The following UBAC2 variants were observed in gnomAD, a reference collection of about 807,000 sequenced individuals.
UBAC2 encodes the protein UBA domain containing 2.
UBAC2 carries 26 observed loss-of-function variants against 44.0 expected under a neutral mutation model. The observed-to-expected ratio is 0.59, with a 90% CI of 0.43 to 0.82. The LOEUF is 0.82. Ranked by LOEUF, UBAC2 falls within the 40% of genes least tolerant of loss-of-function variation. The pLI, the probability that UBAC2 is intolerant of heterozygous loss-of-function variation, is 0.00. For synonymous variants in UBAC2, 155 were observed against 154.3 expected (o/e 1.00, Z -0.04); for missense variants, 329 against 419.4 (o/e 0.78, Z 1.88).
At position 99,340,382 on chromosome 13, in the gene UBAC2, C is replaced by T; in HGVS notation, c.624C>T (p.Ser208=). The T allele has an allele frequency of 6.2e-7, 1 of 1,614,222 alleles. No individual in the cohort carries two copies. Among genetic ancestry groups the T allele is most frequent in the African/African-American group, 1.3e-5 (1 of 75,050 alleles). The change falls in exon 7 of 9, where the codon AGC becomes AGT. Residue 208 remains serine, a synonymous_variant. Coordinates refer to ENST00000403766, the MANE Select transcript of UBAC2 (RefSeq NM_001144072.2). ...TGCATCAGGTGCTCTGCATCCCCAGCTGGATGGCAAAATTCTTTTCTTGGA... is the reference window on the plus strand; with the variant it reads ...TGCATCAGGTGCTCTGCATCCCCAGTTGGATGGCAAAATTCTTTTCTTGGA... ...FQVHQVLCIP[S]WMAKFFSWTL...
At chr13:99,271,271 A>T (rs1259294678) in intron 4 of UBAC2, among the ~76,000 whole-genome samples, 1 of 152,252 alleles carries the variant, frequency 6.6e-6, no homozygotes, top group Non-Finnish European at 1.5e-5. Flanking sequence ...GAAAAGCTTC[A>T]GAAATCAGGT....
intron 4 of UBAC2, among the ~76,000 whole-genome samples, chr13:99,281,791 G>C (rs1489018384): frequency 1.3e-5 from 2 of 152,250 alleles, no homozygotes; most frequent in Non-Finnish European, 2.9e-5. Flanking sequence ...GAATCAAAGT[G>C]GCGTGCAGAG....
At chr13:99,223,540 C>CTTTT (rs1217614346) in intron 1 of UBAC2, among the ~76,000 whole-genome samples, 3 of 34,910 alleles carry the variant, frequency 8.6e-5, no homozygotes, top group Non-Finnish European at 1.2e-4. Flanking sequence ...TTCTCTTTTT[C>CTTTT]TGTTTTTTTT....
At chr13:99,356,198 A>G (rs947819041) in intron 7 of UBAC2, 3 of 534,604 alleles carry the variant, frequency 5.6e-6, no homozygotes, top group Non-Finnish European at 1.2e-5. Context: ...GAGCTTCCCG[A>G]TGTACTCTGT....
Position 99,346,229 on chromosome 13 carries a change from G to A in UBAC2, c.807+5664G>A, listed in dbSNP as rs189316264. Among the ~76,000 whole-genome samples, 235 of 152,180 alleles carry A rather than the reference G, an allele frequency of 1.5e-3. 1 individual carries two copies. The highest frequency in any genetic ancestry group is 3.4e-4 in the Non-Finnish European group (23 of 68,004). ...GAGTCTCCCTCCTTGATGTAAGTCCGTCATTCATCTCCAGTGCTGTAGTTC... is the reference window on the plus strand; with the variant it reads ...GAGTCTCCCTCCTTGATGTAAGTCCATCATTCATCTCCAGTGCTGTAGTTC... On this transcript the variant is annotated intron_variant, in intron 7 of 8. Coordinates refer to ENST00000403766, the MANE Select transcript of UBAC2 (RefSeq NM_001144072.2).
chr13:99,248,934 A>T (rs1229499747), intron 4 of UBAC2, among the ~76,000 whole-genome samples: 1 of 151,930 alleles, frequency 6.6e-6, no homozygotes, highest in Non-Finnish European at 1.5e-5. Flanking sequence ...TTCTTATTTT[A>T]ATTAGTAGCA....
chr13:99,359,473 C>T (rs949328120), intron 7 of UBAC2, among the ~76,000 whole-genome samples: 1 of 152,132 alleles, frequency 6.6e-6, no homozygotes, highest in Non-Finnish European at 1.5e-5. Context: ...CGTGGTAGGT[C>T]ATCCCCTTTG....
intron 5 of UBAC2, among the ~76,000 whole-genome samples, chr13:99,315,776 A>G (rs954390531): frequency 1.3e-5 from 2 of 152,006 alleles, no homozygotes; most frequent in African/African-American, 2.4e-5. Flanking sequence ...AGCTACCACT[A>G]TTCATTTTTC....
intron 6 of UBAC2, among the ~76,000 whole-genome samples, chr13:99,325,461 A>G (rs1051795302): frequency 1.3e-5 from 2 of 152,192 alleles, no homozygotes; most frequent in African/African-American, 4.8e-5. Context: ...TTCCAACTAT[A>G]TCCCCTATTT....
intron 7 of UBAC2, among the ~76,000 whole-genome samples, chr13:99,352,407 T>C (rs969740303): frequency 6.6e-6 from 1 of 152,206 alleles, no homozygotes; most frequent in Admixed American, 6.5e-5. Flanking sequence ...ATTCTGGACA[T>C]TTTATAGAAA....
chr13:99,364,831 C>G (rs1303474923), intron 7 of UBAC2, among the ~76,000 whole-genome samples: 1 of 152,174 alleles, frequency 6.6e-6, no homozygotes, highest in East Asian at 1.9e-4. Context: ...TGTGAATGCA[C>G]CATAACTTAC....
chr13:99,208,207 G>A (rs549512167), intron 1 of UBAC2, among the ~76,000 whole-genome samples: 39 of 152,198 alleles, frequency 2.6e-4, no homozygotes, highest in Middle Eastern at 6.8e-3. Flanking sequence ...ATGTTGGTCA[G>A]GCTGGTCTTG....
intron 6 of UBAC2, among the ~76,000 whole-genome samples, chr13:99,338,040 T>TTTTTTCTTTTTTC (rs1341600837): frequency 7.5e-5 from 2 of 26,622 alleles, no homozygotes; most frequent in African/African-American, 1.8e-4. Flanking sequence ...ACTTTTTTTC[T>TTTTTTCTTTTTTC]TTTTTTCTTT....
At chr13:99,328,953 A>C (rs775577349) in intron 6 of UBAC2, among the ~76,000 whole-genome samples, 7 of 152,238 alleles carry the variant, frequency 4.6e-5, no homozygotes, top group Non-Finnish European at 8.8e-5. Flanking sequence ...TTCTGCTATT[A>C]CATTTAGGTC....
At chr13:99,278,543 A>G (rs1451081265) in intron 4 of UBAC2, among the ~76,000 whole-genome samples, 1 of 152,232 alleles carries the variant, frequency 6.6e-6, no homozygotes, top group African/African-American at 2.4e-5. Flanking sequence ...AATAGCCAAC[A>G]TATAAATAAT....
intron 4 of UBAC2, among the ~76,000 whole-genome samples, chr13:99,245,734 C>T (rs545929160): frequency 6.6e-6 from 1 of 152,284 alleles, no homozygotes; most frequent in South Asian, 2.1e-4. Flanking sequence ...GCTCAGGAGG[C>T]TGAGGCAGAA....
chr13:99,239,971 C>T (rs113914077), intron 2 of UBAC2, among the ~76,000 whole-genome samples: 2,246 of 152,216 alleles, frequency 0.015, 58 homozygotes, highest in African/African-American at 0.051. Flanking sequence ...GAAGGGATGA[C>T]TGTTAATTAG....
intron 1 of UBAC2, among the ~76,000 whole-genome samples, chr13:99,206,483 C>T (rs2042874087): frequency 6.6e-6 from 1 of 152,244 alleles, no homozygotes; most frequent in Admixed American, 6.5e-5. Context: ...TTGCTCACCA[C>T]CATGGCTATG....
At chr13:99,380,386 C>T (rs898512005) in intron 8 of UBAC2, among the ~76,000 whole-genome samples, 1 of 152,174 alleles carries the variant, frequency 6.6e-6, no homozygotes, top group African/African-American at 2.4e-5. Context: ...CTGGGCTTCT[C>T]TGAGCAGAGG....
Sources: allele counts gnomAD v4.1 joint callset (sites outside exome capture counted in the v4.1 genomes callset), GRCh38; gene constraint gnomAD v4.1.1; transcripts MANE v1.5; gene names NCBI Gene and HGNC (gene_info 2026-07-23, HGNC 2026-07-21).